RIN3: variants seen among roughly 807,000 people sequenced by gnomAD.
RIN3 encodes the protein Ras and Rab interactor 3.
RIN3 carries 54 observed loss-of-function variants against 76.3 expected under a neutral mutation model. The observed-to-expected ratio is 0.71, with a 90% CI of 0.57 to 0.89. The LOEUF (loss-of-function observed/expected upper bound fraction) is 0.89. Ranked by LOEUF, RIN3 falls within the 40% of genes least tolerant of loss-of-function variation. RIN3 has a pLI of 0.00. For synonymous variants in RIN3, 576 were observed against 564.0 expected, an observed-to-expected ratio of 1.02 and a Z score of -0.30; for missense variants, 1,256 against 1,322.1, an observed-to-expected ratio of 0.95 and a Z score of 0.78.
chr14:92,542,755 T>C (rs1295187767), intron 1 of RIN3, among the ~76,000 whole-genome samples: 1 of 152,194 alleles, frequency 6.6e-6, no homozygotes, highest in African/African-American at 2.4e-5. Context: ...AACATTGATA[T>C]AGAAGTACTG....
chr14:92,639,117 C>T (rs1886885857), intron 4 of RIN3, among the ~76,000 whole-genome samples: 1 of 152,366 alleles, frequency 6.6e-6, no homozygotes. Flanking sequence ...GTGGTGAGTG[C>T]TAAGCACTGC....
At chr14:92,547,192 A>T (rs1205658518) in intron 1 of RIN3, among the ~76,000 whole-genome samples, 11 of 68,834 alleles carry the variant, frequency 1.6e-4, no homozygotes, top group Non-Finnish European at 2.2e-4. Context: ...ATTATTATAA[A>T]ATAAATTATC....
intron 2 of RIN3, among the ~76,000 whole-genome samples, chr14:92,572,406 A>G (rs978076324): frequency 2.6e-5 from 4 of 152,216 alleles, no homozygotes; most frequent in African/African-American, 9.7e-5. Context: ...ACAGTTTGTG[A>G]GATGTAATCG....
At chr14:92,546,712 C>G (rs1897274982) in intron 1 of RIN3, among the ~76,000 whole-genome samples, 1 of 136,992 alleles carries the variant, frequency 7.3e-6, no homozygotes, top group Non-Finnish European at 1.7e-5. Flanking sequence ...CTCTGGGGAG[C>G]TTTGCCCCCC....
chr14:92,598,218 G>A (rs78493195), intron 3 of RIN3, among the ~76,000 whole-genome samples: 5,111 of 152,244 alleles, frequency 0.034, 246 homozygotes, highest in African/African-American at 0.11. Flanking sequence ...CATGTGGAGA[G>A]GCCTGGACAC....
At chr14:92,665,715 A>T (rs1332698866) in intron 7 of RIN3, among the ~76,000 whole-genome samples, 1 of 141,486 alleles carries the variant, frequency 7.1e-6, no homozygotes, top group African/African-American at 2.7e-5. Context: ...TTTCTGAAGG[A>T]TACTGTTTTT....
chr14:92,684,876 A>AGAGGTGGTGGGCGGGGCTTGG, intron 8 of RIN3, 111 bp from the exon 9 acceptor site: 1 of 1,166,194 alleles, frequency 8.6e-7, no homozygotes, highest in African/African-American at 1.5e-5. Context: ...GATGTGCCTC[A>AGAGGTGGTGGGCGGGGCTTGG]AGCAGAGGTG....
At chr14:92,592,515 G>A (rs947144601) in intron 3 of RIN3, among the ~76,000 whole-genome samples, 9 of 151,496 alleles carry the variant, frequency 5.9e-5, no homozygotes, top group African/African-American at 1.9e-4. Flanking sequence ...AAAAAATGGT[G>A]TAGTGTTAGC....
At chr14:92,630,867 G>T (rs1437950129) in intron 4 of RIN3, among the ~76,000 whole-genome samples, 1 of 152,178 alleles carries the variant, frequency 6.6e-6, no homozygotes, top group Non-Finnish European at 1.5e-5. Flanking sequence ...GTGACCCTGG[G>T]CAAGTCACCT....
intron 3 of RIN3, among the ~76,000 whole-genome samples, chr14:92,594,462 C>G (rs1885089387): frequency 6.7e-6 from 1 of 149,812 alleles, no homozygotes; most frequent in South Asian, 2.1e-4. Flanking sequence ...TGTAATCATA[C>G]AATGTCTTCT....
intron 1 of RIN3, among the ~76,000 whole-genome samples, chr14:92,537,005 AATATATAT>A (rs10538825): frequency 1.3e-5 from 2 of 151,024 alleles, no homozygotes; most frequent in Non-Finnish European, 3.0e-5. Flanking sequence ...AGGATTTAAA[AATATATAT>A]ATATATAATG....
intron 3 of RIN3, among the ~76,000 whole-genome samples, chr14:92,590,727 T>A (rs1310488347): frequency 6.6e-6 from 1 of 152,166 alleles, no homozygotes; most frequent in Admixed American, 6.5e-5. Flanking sequence ...CTCCAGCCCA[T>A]TTTAGCCATC....
intron 1 of RIN3, among the ~76,000 whole-genome samples, chr14:92,555,264 A>T (rs545434492): frequency 1.0e-3 from 157 of 152,290 alleles, no homozygotes; most frequent in African/African-American, 3.6e-3. Flanking sequence ...GGTTGCAGTG[A>T]GCTGCTTCTG....
At chr14:92,578,424 C>T (rs1371682262) in intron 3 of RIN3, among the ~76,000 whole-genome samples, 1 of 152,146 alleles carries the variant, frequency 6.6e-6, no homozygotes, top group Non-Finnish European at 1.5e-5. Context: ...CCATCTGTGC[C>T]AGCTTTCTCC....
At chr14:92,620,962 C>G (rs567295870) in intron 4 of RIN3, among the ~76,000 whole-genome samples, 9 of 152,302 alleles carry the variant, frequency 5.9e-5, no homozygotes, top group African/African-American at 2.2e-4. Context: ...TGGCTTTGCA[C>G]TAAATCCAGC....
At chr14:92,559,785 C>T (rs1897710436) in intron 2 of RIN3, among the ~76,000 whole-genome samples, 1 of 152,158 alleles carries the variant, frequency 6.6e-6, no homozygotes, top group Non-Finnish European at 1.5e-5. Flanking sequence ...ACAGCAAGGG[C>T]CAAGGCCCAG....
chr14:92,557,556 G>T (rs1015499898), intron 2 of RIN3, among the ~76,000 whole-genome samples: 3 of 152,206 alleles, frequency 2.0e-5, no homozygotes, highest in Admixed American at 6.5e-5. Context: ...GCATCAAGTC[G>T]CCAGTTGTAC....
rs193107474 is a variant in RIN3, at chr14:92,547,993, C to T, written c.45-7758C>T. On this transcript the variant is annotated intron_variant, in intron 1 of 9. Transcript: ENST00000216487. ...TGCTGGGATTACAGGCATGAGTCACCGCACCTGGCCTATTTAAGATGATTT... is the reference window on the plus strand; with the variant it reads ...TGCTGGGATTACAGGCATGAGTCACTGCACCTGGCCTATTTAAGATGATTT... Among the ~76,000 whole-genome samples, 605 of 152,104 alleles carry T rather than the reference C, an allele frequency of 4.0e-3. 4 individuals carry two copies. The highest frequency in any genetic ancestry group is 7.0e-3 in the African/African-American group (290 of 41,496).
rs1192268677 is a variant in RIN3 at position 92,656,897 on chromosome 14, AGAGGTTTGGTGACCTGGCCAT to A, written c.2027-2259_2027-2239del. 6.6e-6 allele frequency among the ~76,000 whole-genome samples: 1 copy of A among 152,196 alleles called. No individual in the cohort carries two copies. Among genetic ancestry groups the A allele is most frequent in the Non-Finnish European group, 1.5e-5 (1 of 68,024 alleles). On this transcript the variant is annotated intron_variant, in intron 6 of 9. Transcript: ENST00000216487. The surrounding 1 kb of genome is among the most constrained non-coding windows in gnomAD (Gnocchi z 5.2). ...TCATGCCCAAGAAGCCACAGCTCAGAGAGGTTTGGTGACCTGGCCATGAGGACAGAGCTGGTAGTAGAGCTG... is the reference window on the plus strand; with the variant it reads ...TCATGCCCAAGAAGCCACAGCTCAGAGAGGACAGAGCTGGTAGTAGAGCTG...
Sources: gnomAD v4.1 joint callset for allele counts (sites outside exome capture counted in the v4.1 genomes callset) on GRCh38, gnomAD v4.1.1 for gene constraint, Gnocchi (gnomAD v3.1) non-coding constraint, MANE v1.5 for transcripts, NCBI Gene and HGNC (gene_info 2026-07-23, HGNC 2026-07-21) for gene names.